The following TNFRSF19 variants were observed in gnomAD, a reference collection of about 807,000 sequenced individuals.
TNFRSF19 encodes TNF receptor superfamily member 19, also known as tumor necrosis factor receptor superfamily member 19.
A neutral mutation model predicts 46.4 loss-of-function variants in TNFRSF19; 27 were observed. The ratio of observed to expected loss-of-function variants is 0.58; its 90% CI spans 0.43 to 0.80. The LOEUF (loss-of-function observed/expected upper bound fraction) is 0.80. Ranked by LOEUF, TNFRSF19 falls within the 30% of genes least tolerant of loss-of-function variation. TNFRSF19 has a pLI of 0.00. For missense variants in TNFRSF19, 511 were observed against 530.8 expected, an observed-to-expected ratio of 0.96 and a Z score of 0.37; for synonymous variants, 204 against 205.0, an observed-to-expected ratio of 1.00 and a Z score of 0.04.
intron 1 of TNFRSF19, among the ~76,000 whole-genome samples, chr13:23,578,661 GAAC>G: frequency 6.6e-6 from 1 of 152,350 alleles, no homozygotes; most frequent in Middle Eastern, 3.4e-3. Flanking sequence ...TGAACGAATA[GAAC>G]AATACTGCTT....
rs77162253 is a variant in TNFRSF19 at position 23,587,976 on chromosome 13, C to T, written c.-34-2174C>T. 8.4e-3 allele frequency among the ~76,000 whole-genome samples: 1,277 copies of T among 152,254 alleles called. 28 individuals are homozygous for T. The highest frequency in any genetic ancestry group is 0.076 in the East Asian group (395 of 5,178). ...GCCTAGATGCCTCCTATTTGTCCGA[C>T]GGATTACAGTCTTCAAGGACTGTCA... is the stretch of plus-strand genomic sequence containing the variant. On this transcript the variant is annotated intron_variant, in intron 1 of 9. Coordinates refer to ENST00000248484, the MANE Select transcript of TNFRSF19 (RefSeq NM_148957.4).
intron 3 of TNFRSF19, among the ~76,000 whole-genome samples, chr13:23,609,593 T>G (rs1457143240): frequency 6.6e-6 from 1 of 152,170 alleles, no homozygotes; most frequent in African/African-American, 2.4e-5. Flanking sequence ...AGGCTTCAAG[T>G]CTCTGGCACA....
rs1251168467 is a variant in TNFRSF19 at position 23,586,272 on chromosome 13, A to AAG, written c.-34-3877_-34-3876insGA. 7.7e-3 allele frequency among the ~76,000 whole-genome samples: 1,163 copies of AAG among 151,706 alleles called. 27 individuals are homozygous for AAG. The highest frequency in any genetic ancestry group is 0.07 in the East Asian group (357 of 5,102). On this transcript the variant is annotated intron_variant, in intron 1 of 9. Coordinates refer to ENST00000248484, the MANE Select transcript of TNFRSF19 (RefSeq NM_148957.4). ...GACTCCGTCTCAAAAAAAAAAAAAA[A>AAG]AAAAGAAAAGACATGCTGACCAGAT...
intron 3 of TNFRSF19, among the ~76,000 whole-genome samples, chr13:23,602,206 G>T (rs964147743): frequency 2.0e-5 from 3 of 152,122 alleles, no homozygotes; most frequent in Non-Finnish European, 4.4e-5. Flanking sequence ...AATCAGAAGA[G>T]CAGGAGTAGC....
chr13:23,630,383 G>A (rs992401392), intron 5 of TNFRSF19, among the ~76,000 whole-genome samples: 4 of 149,768 alleles, frequency 2.7e-5, no homozygotes, highest in East Asian at 2.0e-4. Flanking sequence ...GAAGAGACCC[G>A]AATTAGGCCA....
chr13:23,629,546 G>A (rs1435363457), intron 5 of TNFRSF19, among the ~76,000 whole-genome samples: 1 of 152,142 alleles, frequency 6.6e-6, no homozygotes, highest in African/African-American at 2.4e-5. Flanking sequence ...AAATGGAGTG[G>A]TACCTGCCTG....
Position 23,674,005 on chromosome 13 carries a change from G to A in TNFRSF19, c.*625G>A, listed in dbSNP as rs966323541. The stretch of plus-strand genomic sequence containing the variant: ...GAATCAGAGGAATCAGACAGAGGAG[G>A]ATAGCTCTTTCCAGAATCCACACTT... On this transcript the variant is annotated 3_prime_UTR_variant, in exon 10 of 10. Transcript: ENST00000248484. 6.6e-6 allele frequency: 1 copy of A among 152,158 alleles called. No homozygotes were observed. Among genetic ancestry groups the A allele is most frequent in the Admixed American group, 6.5e-5 (1 of 15,282 alleles). 9.4% of individuals were successfully genotyped at this position (152,158 alleles called of 1,614,324 possible). A position where few individuals can be genotyped will look rare whatever the true frequency, so the allele number is the denominator to read the frequency against.
chr13:23,611,743 A>G (rs1003908255), intron 3 of TNFRSF19, among the ~76,000 whole-genome samples: 1 of 152,224 alleles, frequency 6.6e-6, no homozygotes, highest in African/African-American at 2.4e-5. Flanking sequence ...AAAAGATTTG[A>G]TACTATTTTC....
At chr13:23,585,318 G>C (rs953373426) in intron 1 of TNFRSF19, 5 of 152,150 alleles carry the variant, frequency 3.3e-5, no homozygotes, top group African/African-American at 1.2e-4. Context: ...CTGAAAAAAA[G>C]AGTATCCAGA....
At chr13:23,657,144 AT>A (rs1334358828) in intron 5 of TNFRSF19, among the ~76,000 whole-genome samples, 1 of 152,224 alleles carries the variant, frequency 6.6e-6, no homozygotes, top group African/African-American at 2.4e-5. Flanking sequence ...AGCCCAAAAC[AT>A]ATGGTGTGTG....
In TNFRSF19 at chr13:23,605,808, G is replaced by A. The variant is rs141706447; in HGVS notation, c.181-10059G>A. On this transcript the variant is annotated intron_variant, in intron 3 of 9. Coordinates refer to ENST00000248484, the MANE Select transcript of TNFRSF19 (RefSeq NM_148957.4). ...CACTGGTTGCCATGGGTAAGGGTGA[G>A]GGAGGGATGGATATGTGGGCATGGA... 5.3e-4 allele frequency among the ~76,000 whole-genome samples: 80 copies of A among 152,312 alleles called. 1 individual carries two copies. The highest frequency in any genetic ancestry group is 1.8e-3 in the African/African-American group (76 of 41,562).
At chr13:23,655,132 T>C (rs1252221601) in intron 5 of TNFRSF19, among the ~76,000 whole-genome samples, 3 of 152,224 alleles carry the variant, frequency 2.0e-5, no homozygotes, top group Admixed American at 6.5e-5. Context: ...TAAAAACACT[T>C]GGCAGATTTT....
At chr13:23,654,037 G>A (rs891141919) in intron 5 of TNFRSF19, among the ~76,000 whole-genome samples, 3 of 152,138 alleles carry the variant, frequency 2.0e-5, no homozygotes, top group Admixed American at 1.3e-4. Context: ...CTGAGATTAA[G>A]AGCTGTGAAA....
intron 1 of TNFRSF19, among the ~76,000 whole-genome samples, chr13:23,583,910 C>CA (rs1461634542): frequency 6.6e-6 from 1 of 152,144 alleles, no homozygotes; most frequent in Non-Finnish European, 1.5e-5. Context: ...TTGGGAAAAA[C>CA]ACATTAGTTA....
At chr13:23,638,045 C>T (rs999937874) in intron 5 of TNFRSF19, among the ~76,000 whole-genome samples, 5 of 148,136 alleles carry the variant, frequency 3.4e-5, no homozygotes, top group African/African-American at 1.2e-4. Context: ...GCTTGCTCTC[C>T]CTCAGCACAG....
At chr13:23,573,483 C>CCCTGTG (rs1555268592) in intron 1 of TNFRSF19, among the ~76,000 whole-genome samples, 1 of 146,684 alleles carries the variant, frequency 6.8e-6, no homozygotes, top group Admixed American at 6.7e-5. Flanking sequence ...GTGTGTTTGC[C>CCCTGTG]TCTGTGTGTG....
rs752382082 is a variant in TNFRSF19, at chr13:23,668,047, T to C, written c.804T>C (p.Gly268=). ...EACSPNPATL[G]CGVHSAASLQ... ...GCAGCCCCAACCCGGCGACTCTTGG[T>C]TGTGGGGTGCATTCTGCAGCCAGTC... is the stretch of plus-strand genomic sequence containing the variant. The change falls in exon 8 of 10, where the codon GGT becomes GGC. Residue 268 remains glycine, a synonymous_variant. Transcript: ENST00000248484. The C allele has an allele frequency of 6.2e-7, 1 of 1,610,010 alleles. No homozygotes were observed. Among genetic ancestry groups the C allele is most frequent in the South Asian group, 1.1e-5 (1 of 89,674 alleles).
chr13:23,674,855 G>A lies in TNFRSF19; in HGVS notation c.*1475G>A, dbSNP rs945576150. ...TCATGTATTATCCATGGTTTTCTCT[G>A]TTTGTGACAGATTAGTAAAATTTAA... On this transcript the variant is annotated 3_prime_UTR_variant, in exon 10 of 10. Transcript: ENST00000248484. 1 of 152,110 alleles carries A rather than the reference G, an allele frequency of 6.6e-6. No individual in the cohort carries two copies. Among genetic ancestry groups the A allele is most frequent in the Non-Finnish European group, 1.5e-5 (1 of 68,020 alleles). The allele number at this position is 152,110 out of a possible 1,614,324, so 9.4% of individuals were successfully genotyped here. A position where few individuals can be genotyped will look rare whatever the true frequency, so the allele number is the denominator to read the frequency against.
intron 3 of TNFRSF19, among the ~76,000 whole-genome samples, chr13:23,605,350 C>T (rs1383352665): frequency 6.6e-6 from 1 of 152,196 alleles, no homozygotes; most frequent in African/African-American, 2.4e-5. Context: ...CAGGAGTTCT[C>T]ATTCCTTGCT....
Sources: allele counts gnomAD v4.1 joint callset (sites outside exome capture counted in the v4.1 genomes callset), GRCh38; gene constraint gnomAD v4.1.1; transcripts MANE v1.5; gene names NCBI Gene and HGNC (gene_info 2026-07-23, HGNC 2026-07-21).